AGBL1: variants seen among roughly 807,000 people sequenced by gnomAD.
AGBL1 encodes AGBL carboxypeptidase 1.
A neutral mutation model predicts 118.9 loss-of-function variants in AGBL1; 130 were observed. The ratio of observed to expected loss-of-function variants is 1.09; its 90% CI spans 0.95 to 1.26. The LOEUF (loss-of-function observed/expected upper bound fraction) is 1.26, where lower values mean the gene tolerates loss of function less well. AGBL1 is among the 50% of genes most tolerant of loss of function. The pLI, the probability that AGBL1 is intolerant of heterozygous loss-of-function variation, is 0.00. For synonymous variants in AGBL1, 555 were observed against 478.9 expected, an observed-to-expected ratio of 1.16 and a Z score of -2.08; for missense variants, 1,584 against 1,298.1, an observed-to-expected ratio of 1.22 and a Z score of -3.38.
intron 22 of AGBL1, among the ~76,000 whole-genome samples, chr15:86,873,933 G>A (rs1437611455): frequency 2.0e-5 from 3 of 152,164 alleles, no homozygotes; most frequent in Admixed American, 6.5e-5. Context: ...AGAAAGAACA[G>A]TGGACTTGGA....
At chr15:86,207,558 T>C (rs2078015269) in intron 5 of AGBL1, among the ~76,000 whole-genome samples, 1 of 152,192 alleles carries the variant, frequency 6.6e-6, no homozygotes. Flanking sequence ...CTAGGTATTT[T>C]ATTCTGTTTG....
chr15:86,758,765 A>C (rs1385732230), intron 22 of AGBL1, among the ~76,000 whole-genome samples: 2 of 151,884 alleles, frequency 1.3e-5, no homozygotes, highest in East Asian at 3.9e-4. Context: ...TGAGCACAGG[A>C]GTTTGAGACT....
intron 23 of AGBL1, among the ~76,000 whole-genome samples, chr15:86,958,686 A>G (rs2080958613): frequency 6.6e-6 from 1 of 152,194 alleles, no homozygotes; most frequent in Admixed American, 6.5e-5. Context: ...AGCACTTTCT[A>G]TAAATCGATC....
intron 22 of AGBL1, among the ~76,000 whole-genome samples, chr15:86,903,268 C>G (rs1298896357): frequency 1.3e-5 from 2 of 151,884 alleles, no homozygotes; most frequent in Admixed American, 6.6e-5. Flanking sequence ...TTTATAGCTT[C>G]CATTTCTTTG....
intron 5 of AGBL1, among the ~76,000 whole-genome samples, chr15:86,223,699 T>G (rs1567137518): frequency 6.6e-6 from 1 of 152,162 alleles, no homozygotes; most frequent in Non-Finnish European, 1.5e-5. Context: ...ATCCCAGTTG[T>G]GGGTTTGCAC....
intron 21 of AGBL1, among the ~76,000 whole-genome samples, chr15:86,657,975 C>G (rs1345372961): frequency 6.6e-6 from 1 of 151,804 alleles, no homozygotes; most frequent in East Asian, 1.9e-4. Flanking sequence ...TCAAACTCAT[C>G]ATTAGGACTG....
chr15:86,136,940 A>G (rs551504415), intron 1 of AGBL1, among the ~76,000 whole-genome samples: 1 of 152,204 alleles, frequency 6.6e-6, no homozygotes, highest in African/African-American at 2.4e-5. Flanking sequence ...TGGTAGATAC[A>G]TTTTTTTATA....
intron 24 of AGBL1, chr15:86,988,223 CT>C: frequency 9.1e-7 from 1 of 1,102,792 alleles, no homozygotes; most frequent in Admixed American, 2.6e-5. Flanking sequence ...ACAACATACC[CT>C]TCAGCTTTGC....
At chr15:86,672,149 G>T (rs1281720362) in intron 21 of AGBL1, among the ~76,000 whole-genome samples, 1 of 152,116 alleles carries the variant, frequency 6.6e-6, no homozygotes, top group Non-Finnish European at 1.5e-5. Context: ...GTAGTAAAGA[G>T]AGATTAATAT....
At chr15:86,516,330 G>A (rs1367080596) in intron 18 of AGBL1, among the ~76,000 whole-genome samples, 2 of 152,206 alleles carry the variant, frequency 1.3e-5, no homozygotes, top group African/African-American at 4.8e-5. Flanking sequence ...AGGTTGTGCA[G>A]TTCCCAGCTT....
rs184867142 is a variant in AGBL1 at position 86,196,995 on chromosome 15, A to G, written c.489-27919A>G. On this transcript the variant is annotated intron_variant, in intron 5 of 22. Coordinates refer to ENST00000614907, the MANE Select transcript of AGBL1 (RefSeq NM_001386094.1). ...GCCAGGAAAAGAGAATTCACCAGAA[A>G]CCAACCCTGCCAGACCTTCTAGCCT... 5.5e-3 allele frequency among the ~76,000 whole-genome samples: 832 copies of G among 152,132 alleles called. 4 individuals are homozygous for G. Among genetic ancestry groups the G allele is most frequent in the African/African-American group, 0.013 (533 of 41,498 alleles).
chr15:86,685,614 G>T (rs1157462230), intron 22 of AGBL1, among the ~76,000 whole-genome samples: 3 of 151,830 alleles, frequency 2.0e-5, no homozygotes, highest in Admixed American at 2.0e-4. Flanking sequence ...GATTTGATAG[G>T]CATTATCTTA....
chr15:86,430,577 C>A (rs930148060), intron 18 of AGBL1, among the ~76,000 whole-genome samples: 8 of 151,706 alleles, frequency 5.3e-5, no homozygotes, highest in Non-Finnish European at 8.8e-5. Flanking sequence ...GTGATATAAT[C>A]TTATCCTCAA....
chr15:86,770,936 T>A (rs1245212606), intron 22 of AGBL1, among the ~76,000 whole-genome samples: 1 of 152,014 alleles, frequency 6.6e-6, no homozygotes, highest in Non-Finnish European at 1.5e-5. Flanking sequence ...ACACTCATAG[T>A]TAGATGTGGC....
At chr15:86,262,956 G>T in intron 10 of AGBL1, 62 bp downstream of exon 10, 1 of 1,295,764 alleles carries the variant, frequency 7.7e-7, no homozygotes, top group Admixed American at 2.0e-5. Flanking sequence ...GCAGATCCTG[G>T]GAGGCCAAAC....
At position 86,252,212 on chromosome 15, in the gene AGBL1, G is replaced by A. The variant is rs141536583; in HGVS notation, c.735+4333G>A. On this transcript the variant is annotated intron_variant, in intron 7 of 22. Transcript: ENST00000614907. ...ATATGGCCTTTTAAAAGTCACAGTT[G>A]CCACCATTTGCTCAGAAAGCACAGT... 6.7e-3 allele frequency among the ~76,000 whole-genome samples: 1,023 copies of A among 152,238 alleles called. 13 individuals carry two copies. Among genetic ancestry groups the A allele is most frequent in the African/African-American group, 0.024 (978 of 41,532 alleles).
chr15:86,325,749 C>G (rs2080174498), intron 17 of AGBL1, among the ~76,000 whole-genome samples: 1 of 152,164 alleles, frequency 6.6e-6, no homozygotes, highest in South Asian at 2.1e-4. Flanking sequence ...CCAGACAAGG[C>G]ATTGGACTAT....
rs78626981 is a variant in AGBL1 at position 86,548,112 on chromosome 15, G to A, written c.2817+1979G>A. 1.1e-4 allele frequency among the ~76,000 whole-genome samples: 17 copies of A among 152,224 alleles called. 1 individual carries two copies. In the East Asian group the frequency reaches 3.3e-3, roughly 29 times the overall value. On this transcript the variant is annotated intron_variant, in intron 20 of 22. Coordinates refer to ENST00000614907, the MANE Select transcript of AGBL1 (RefSeq NM_001386094.1). ...AAGGACCCACTCATTTTACAGATGG[G>A]AAAATTGAGACTCAGGGGAGAATGT...
At chr15:86,557,665 C>T (rs1162060834) in intron 21 of AGBL1, among the ~76,000 whole-genome samples, 4 of 152,214 alleles carry the variant, frequency 2.6e-5, no homozygotes, top group African/African-American at 9.6e-5. Context: ...ACAGTAATGC[C>T]CATAAGTGTC....
Sources: gnomAD v4.1 joint callset for allele counts (sites outside exome capture counted in the v4.1 genomes callset) on GRCh38, gnomAD v4.1.1 for gene constraint, MANE v1.5 for transcripts, NCBI Gene and HGNC (gene_info 2026-07-23, HGNC 2026-07-21) for gene names.